Variants in TRIM51G observed in about 807,000 individuals in gnomAD.
The protein encoded by TRIM51G is tripartite motif-containing 51G.
chr11:48,976,990 T>A, the TRIM51G span: 19 of 616,720 alleles, frequency 3.1e-5, no homozygotes, highest in African/African-American at 9.3e-5. Context: ...CCTGCTGAAA[T>A]GAAATAAAGA....
At chr11:48,979,818 A>AATG in the TRIM51G span, among the ~76,000 whole-genome samples, 1 of 148,534 alleles carries the variant, frequency 6.7e-6, no homozygotes, top group African/African-American at 2.5e-5. Flanking sequence ...TATATATAAT[A>AATG]TATATACACT....
At chr11:48,979,320 T>C in the TRIM51G span, among the ~76,000 whole-genome samples, 2 of 152,294 alleles carry the variant, frequency 1.3e-5, no homozygotes, top group East Asian at 3.9e-4. Context: ...TTTTCTAAGA[T>C]AGTTGTATAA....
At chr11:48,978,376 C>A in the TRIM51G span, among the ~76,000 whole-genome samples, 4 of 152,030 alleles carry the variant, frequency 2.6e-5, no homozygotes, top group Non-Finnish European at 5.9e-5. Context: ...ATTCTTTTTA[C>A]AAGTGAAGGG....
the TRIM51G span, chr11:48,975,846 T>C: frequency 8.3e-7 from 1 of 1,201,698 alleles, no homozygotes; most frequent in Non-Finnish European, 1.2e-6. Context: ...ATTTGCCAGA[T>C]ATGAAAAAAT....
At chr11:48,980,787 T>G in the TRIM51G span, 1 of 380,948 alleles carries the variant, frequency 2.6e-6, no homozygotes. Context: ...TTCTCAAGTG[T>G]TTTTTCCTTG....
chr11:48,981,065 T>C, the TRIM51G span: 6 of 772,830 alleles, frequency 7.8e-6, no homozygotes, highest in East Asian at 3.1e-5. Context: ...CACTCTGATA[T>C]ACGAAGGACC....
chr11:48,979,950 G>T, the TRIM51G span, among the ~76,000 whole-genome samples: 28 of 151,658 alleles, frequency 1.8e-4, no homozygotes, highest in East Asian at 5.9e-4. Context: ...TGAGCCTTTT[G>T]TCTGACCACC....
At chr11:48,978,023 A>T in the TRIM51G span, 1 of 457,528 alleles carries the variant, frequency 2.2e-6, no homozygotes, top group East Asian at 7.1e-5. Flanking sequence ...TGGAGAAAGT[A>T]CAACCAGCAC....
At chr11:48,976,456 T>C in the TRIM51G span, among the ~76,000 whole-genome samples, 1 of 152,136 alleles carries the variant, frequency 6.6e-6, no homozygotes, top group Admixed American at 6.6e-5. Flanking sequence ...AAGTGGTAAC[T>C]TAAGGCAGAT....
At chr11:48,975,644 G>A in the TRIM51G span, 1 of 1,420,040 alleles carries the variant, frequency 7.0e-7, no homozygotes, top group Non-Finnish European at 9.9e-7. Context: ...GTGTCTGTAG[G>A]TCTTGGAACA....
chr11:48,980,131 C>T, the TRIM51G span, among the ~76,000 whole-genome samples: 10 of 151,962 alleles, frequency 6.6e-5, no homozygotes, highest in Admixed American at 6.6e-4. Context: ...TTTGTGTTTT[C>T]TTTCTTCTTT....
At chr11:48,980,823 G>T in the TRIM51G span, 3 of 418,422 alleles carry the variant, frequency 7.2e-6, no homozygotes, top group South Asian at 5.4e-5. Context: ...AAACATTATG[G>T]GTTGAGATCA....
At chr11:48,982,151 C>G in the TRIM51G span, among the ~76,000 whole-genome samples, 1 of 151,884 alleles carries the variant, frequency 6.6e-6, no homozygotes, top group African/African-American at 2.4e-5. Context: ...GAAAGGGACC[C>G]AGAAGCCGGC....
At chr11:48,979,031 T>C in the TRIM51G span, 1 of 1,084,760 alleles carries the variant, frequency 9.2e-7, no homozygotes, top group Non-Finnish European at 1.4e-6. Flanking sequence ...GACGTTGCTC[T>C]TCTTCATGGA....
chr11:48,980,913 C>A, the TRIM51G span: 1 of 489,836 alleles, frequency 2.0e-6, no homozygotes, highest in Non-Finnish European at 4.2e-6. Context: ...AACCTTCCAG[C>A]ATCTGATTCT....
chr11:48,981,374 T>A, the TRIM51G span: 3 of 1,607,688 alleles, frequency 1.9e-6, no homozygotes, highest in Admixed American at 5.0e-5. Flanking sequence ...AGCAGGCTCT[T>A]GTCCACTTCA....
At chr11:48,977,041 GA>G in the TRIM51G span, 1 of 732,806 alleles carries the variant, frequency 1.4e-6, no homozygotes, top group Non-Finnish European at 2.5e-6. Flanking sequence ...ATTCTAACAA[GA>G]AGTAATACAT....
chr11:48,983,406 T>C, the TRIM51G span, among the ~76,000 whole-genome samples: 1 of 152,066 alleles, frequency 6.6e-6, no homozygotes, highest in Non-Finnish European at 1.5e-5. Context: ...ACATTTACAG[T>C]ATTCAATAAT....
At chr11:48,981,274 G>T in the TRIM51G span, 17 of 1,603,490 alleles carry the variant, frequency 1.1e-5, no homozygotes, top group South Asian at 3.3e-5. Flanking sequence ...ATCTTCAGAG[G>T]CATCACTTAC....
Sources: gnomAD v4.1 joint callset for allele counts (sites outside exome capture counted in the v4.1 genomes callset) on GRCh38, gnomAD v4.1.1 for gene constraint, MANE v1.5 for transcripts, NCBI Gene and HGNC (gene_info 2026-07-23, HGNC 2026-07-21) for gene names.